The following ACSL1 variants were observed in gnomAD, a reference collection of about 807,000 sequenced individuals.
ACSL1 encodes the protein long-chain-fatty-acid--CoA ligase 1.
In ACSL1, 41 loss-of-function variants were observed where a neutral mutation model predicts 98.4. The observed-to-expected ratio is 0.42, with a 90% CI of 0.32 to 0.54. The LOEUF (loss-of-function observed/expected upper bound fraction) is 0.54, where lower values mean the gene tolerates loss of function less well. Ranked by LOEUF, ACSL1 falls within the 20% of genes least tolerant of loss-of-function variation. The probability of loss-of-function intolerance (pLI) is 0.13; values close to 1 mark genes in which losing one functional copy is unlikely to be tolerated. For synonymous variants in ACSL1, 316 were observed against 322.7 expected, an observed-to-expected ratio of 0.98 and a Z score of 0.22; for missense variants, 734 against 883.1, an observed-to-expected ratio of 0.83 and a Z score of 2.14.
At position 184,788,620 on chromosome 4, in the gene ACSL1, A is replaced by T. The variant is rs1167700263; in HGVS notation, c.307T>A (p.Ser103Thr). 6.2e-7 allele frequency: 1 copy of T among 1,613,092 alleles called. No individual in the cohort carries two copies. Among genetic ancestry groups the T allele is most frequent in the Non-Finnish European group, 8.5e-7 (1 of 1,179,132 alleles). Residue 103 changes from serine to threonine, a missense_variant, in exon 3 of 21, where the codon TCA becomes ACA. Transcript: ENST00000281455. ...YEGFQRGIQV[S>T]NNGPCLGSRK... is the part of the protein sequence containing the mutation. ...GCAAATGCAGGAAAATGCTTACTTG[A>T]CACCTGTATTCCCCTCTGGAAACCT... is the stretch of plus-strand genomic sequence containing the variant.
At position 184,765,998 on chromosome 4, in the gene ACSL1, G is replaced by A; in HGVS notation, c.1264-12C>T. The stretch of plus-strand genomic sequence containing the variant: ...CCGCCCAGGCTCGACTTTCAGGGAG[G>A]GAGAGTGGGAGAAGGTGAGGGTTAC... On this transcript the variant is annotated splice_polypyrimidine_tract_variant and intron_variant, in intron 13 of 20. Coordinates refer to ENST00000281455, the MANE Select transcript of ACSL1 (RefSeq NM_001995.5). The A allele has an allele frequency of 6.2e-7, 1 of 1,612,966 alleles. No individual in the cohort carries two copies. The highest frequency in any genetic ancestry group is 8.5e-7 in the Non-Finnish European group (1 of 1,179,460).
intron 11 of ACSL1, 148 bp downstream of exon 11, chr4:184,770,251 T>G (rs988000895): frequency 1.3e-6 from 2 of 1,540,982 alleles, no homozygotes; most frequent in African/African-American, 1.4e-5. Flanking sequence ...CACGCCACAC[T>G]TACCTTCAAT....
chr4:184,774,017 G>C, intron 7 of ACSL1, 142 bp from the exon 8 acceptor site: 1 of 901,484 alleles, frequency 1.1e-6, no homozygotes, highest in Non-Finnish European at 1.7e-6. Flanking sequence ...TCTAATTAAA[G>C]AAACTATGGC....
intron 1 of ACSL1, among the ~76,000 whole-genome samples, chr4:184,823,272 G>A (rs1248881970): frequency 6.6e-6 from 1 of 152,162 alleles, no homozygotes; most frequent in African/African-American, 2.4e-5. Context: ...TGCCTTAGAG[G>A]AACTTCTTTT....
chr4:184,784,964 T>C (rs1182578439), intron 3 of ACSL1, among the ~76,000 whole-genome samples: 2 of 152,190 alleles, frequency 1.3e-5, no homozygotes, highest in African/African-American at 4.8e-5. Flanking sequence ...TGCTTCCAGA[T>C]GGGAAAAAAA....
At chr4:184,782,189 T>C (rs1363591389) in intron 4 of ACSL1, among the ~76,000 whole-genome samples, 2 of 151,884 alleles carry the variant, frequency 1.3e-5, no homozygotes, top group Non-Finnish European at 2.9e-5. Flanking sequence ...AAGCCTGCAA[T>C]TGGATGCTAT....
intron 2 of ACSL1, among the ~76,000 whole-genome samples, chr4:184,796,459 A>C (rs1769378977): frequency 6.6e-6 from 1 of 152,230 alleles, no homozygotes; most frequent in Non-Finnish European, 1.5e-5. Context: ...CTTTTCAGGA[A>C]TTCTCTGAGC....
At chr4:184,778,025 C>T (rs1363065254) in intron 5 of ACSL1, among the ~76,000 whole-genome samples, 1 of 151,674 alleles carries the variant, frequency 6.6e-6, no homozygotes, top group East Asian at 1.9e-4. Context: ...AGCAGCAAAA[C>T]TGTTTTGATA....
intron 11 of ACSL1, among the ~76,000 whole-genome samples, chr4:184,768,678 C>A (rs77554021): frequency 0.012 from 1,878 of 152,238 alleles, 45 homozygotes; most frequent in African/African-American, 0.042. Context: ...CAGTAAAAAA[C>A]CAGGCTATGT....
chr4:184,787,551 G>A (rs1767599793), intron 3 of ACSL1, among the ~76,000 whole-genome samples: 1 of 152,126 alleles, frequency 6.6e-6, no homozygotes, highest in South Asian at 2.1e-4. Flanking sequence ...GGGGTAGAAA[G>A]AGGCTTTATG....
intron 12 of ACSL1, among the ~76,000 whole-genome samples, chr4:184,767,735 A>C (rs1042854708): frequency 1.3e-5 from 2 of 152,216 alleles, no homozygotes; most frequent in Non-Finnish European, 2.9e-5. Context: ...CCTCAAAATA[A>C]AGAGTAAGTG....
Position 184,765,350 on chromosome 4 carries a change from TG to T in ACSL1, c.1360-426del, listed in dbSNP as rs561571038. Among the ~76,000 whole-genome samples, 173 of 152,338 alleles carry T rather than the reference TG, an allele frequency of 1.1e-3. 1 individual carries two copies. Among genetic ancestry groups the T allele is most frequent in the Admixed American group, 3.2e-3 (49 of 15,304 alleles). On this transcript the variant is annotated intron_variant, in intron 14 of 20. Transcript: ENST00000281455. The stretch of plus-strand genomic sequence containing the variant: ...GCATACCTGCTTCTAAAGGTTGTCT[TG>T]CACCTGATCCTAGAGAAAATTCAAC...
intron 1 of ACSL1, among the ~76,000 whole-genome samples, chr4:184,820,808 T>G (rs1340021678): frequency 4.6e-5 from 7 of 151,740 alleles, no homozygotes; most frequent in Non-Finnish European, 1.0e-4. Flanking sequence ...TTTCACCATA[T>G]TGGTCAGGGT....
Position 184,757,054 on chromosome 4 carries a change from C to A in ACSL1, c.*71G>T. The A allele has an allele frequency of 1.4e-6, 2 of 1,471,618 alleles. No homozygotes were observed. Among genetic ancestry groups the A allele is most frequent in the Admixed American group, 2.1e-5 (1 of 46,724 alleles). The allele number at this position is 1,471,618 out of a possible 1,614,324, so 91.2% of individuals were successfully genotyped here. On this transcript the variant is annotated 3_prime_UTR_variant, in exon 21 of 21. Coordinates refer to ENST00000281455, the MANE Select transcript of ACSL1 (RefSeq NM_001995.5). This position sits in a 1 kb window ranked among gnomAD's most constrained non-coding sequence, Gnocchi z 4.5. ...CTACACTTGCTGTATTCAAAATTAA[C>A]AACATGAAGGCCATCAGCAGGAGAA...
chr4:184,778,670 C>T (rs1561199201), intron 5 of ACSL1, among the ~76,000 whole-genome samples: 2 of 152,204 alleles, frequency 1.3e-5, no homozygotes, highest in African/African-American at 4.8e-5. Context: ...GAGGCCGAGT[C>T]ACTGTGCTTT....
Position 184,780,395 on chromosome 4 carries a change from G to A in ACSL1, c.414C>T (p.Ile138=), listed in dbSNP as rs1803898. The A allele has an allele frequency of 1.2e-5, 19 of 1,613,176 alleles. No individual in the cohort carries two copies. In the Admixed American group the frequency reaches 2.7e-4, roughly 23 times the overall value. ...ELSECIGSAL[I]QKGFKTAPDQ... is the part of the protein sequence containing the mutation. ...CTGGGGCAGTCTTGAAGCCCTTCTG[G>A]ATCAGTGCTGAGCCTATGCACTCCG... is the stretch of plus-strand genomic sequence containing the variant. Residue 138 remains isoleucine, a synonymous_variant, in exon 5 of 21, where the codon ATC becomes ATT. Coordinates refer to ENST00000281455, the MANE Select transcript of ACSL1 (RefSeq NM_001995.5).
At chr4:184,785,618 G>GGGGGGGGA (rs1767134451) in intron 3 of ACSL1, among the ~76,000 whole-genome samples, 1 of 30,382 alleles carries the variant, frequency 3.3e-5, no homozygotes, top group Non-Finnish European at 8.7e-5. Flanking sequence ...GGGGGGGGGG[G>GGGGGGGGA]GGGAAGGAAG....
At chr4:184,808,220 A>G (rs1487673963) in intron 1 of ACSL1, 1 of 768,464 alleles carries the variant, frequency 1.3e-6, no homozygotes, top group Non-Finnish European at 1.6e-6. Flanking sequence ...CATTCTCTTG[A>G]AGATACACAT....
In ACSL1 at chr4:184,756,909, T is replaced by C. The variant is rs1227325915; in HGVS notation, c.*216A>G. 4.2e-6 allele frequency: 2 copies of C among 474,518 alleles called. No individual in the cohort carries two copies. The highest frequency in any genetic ancestry group is 5.8e-5 in the South Asian group (1 of 17,182). 29.4% of individuals were successfully genotyped at this position (474,518 alleles called of 1,614,324 possible). A position where few individuals can be genotyped will look rare whatever the true frequency, so the allele number is the denominator to read the frequency against. On this transcript the variant is annotated 3_prime_UTR_variant, in exon 21 of 21. Transcript: ENST00000281455. ...AATTTTTAAGGCTCATTTTGGAAAGTGTGTATTACCATAAACATGGTCTGC... is the reference window on the plus strand; with the variant it reads ...AATTTTTAAGGCTCATTTTGGAAAGCGTGTATTACCATAAACATGGTCTGC...
Sources: allele counts gnomAD v4.1 joint callset (sites outside exome capture counted in the v4.1 genomes callset), GRCh38; gene constraint gnomAD v4.1.1; non-coding constraint Gnocchi (gnomAD v3.1); transcripts MANE v1.5; gene names NCBI Gene and HGNC (gene_info 2026-07-23, HGNC 2026-07-21).